The following COMMD10 variants were observed in gnomAD, a reference collection of about 807,000 sequenced individuals.
The protein encoded by COMMD10 is COMM domain containing 10.
Under a neutral mutation model 28.9 loss-of-function variants are expected in COMMD10, and 33 were observed. The ratio of observed to expected loss-of-function variants is 1.14; its 90% CI spans 0.87 to 1.53. The LOEUF (loss-of-function observed/expected upper bound fraction) is 1.53, where lower values mean the gene tolerates loss of function less well. Ranked by LOEUF, COMMD10 falls within the 40% of genes most tolerant of loss-of-function variation. The pLI, the probability that COMMD10 is intolerant of heterozygous loss-of-function variation, is 0.00. For missense variants in COMMD10, 310 were observed against 233.4 expected (o/e 1.33, Z -2.14); for synonymous variants, 110 against 81.7 (o/e 1.35, Z -1.87).
At chr5:116,291,138 T>C (rs1751349086) in intron 5 of COMMD10, among the ~76,000 whole-genome samples, 1 of 152,198 alleles carries the variant, frequency 6.6e-6, no homozygotes, top group South Asian at 2.1e-4. Context: ...CAATCAGATA[T>C]CCTGCCTCCA....
Position 116,243,784 on chromosome 5 carries a change from G to A in COMMD10, c.511-47733G>A, listed in dbSNP as rs1192937005. On this transcript the variant is annotated intron_variant, in intron 5 of 6. Transcript: ENST00000274458. Reference sequence around the variant, plus strand: ...TCAGAACATCTGAGAGGCACTAAAAGCTGGCAAAACCATCTTAAGAGTATG... The same window carrying A: ...TCAGAACATCTGAGAGGCACTAAAAACTGGCAAAACCATCTTAAGAGTATG... 2.6e-5 allele frequency among the ~76,000 whole-genome samples: 4 copies of A among 152,254 alleles called. No homozygotes were observed. The East Asian group carries it at 7.7e-4, about 29-fold the overall frequency.
chr5:116,169,403 G>T (rs542515313), intron 5 of COMMD10, among the ~76,000 whole-genome samples: 2 of 152,232 alleles, frequency 1.3e-5, no homozygotes, highest in Admixed American at 1.3e-4. Context: ...ATTCATAGCT[G>T]AATTCTACCA....
chr5:116,174,613 A>G (rs1052735450), intron 5 of COMMD10, among the ~76,000 whole-genome samples: 1 of 131,394 alleles, frequency 7.6e-6, no homozygotes, highest in East Asian at 2.0e-4. Flanking sequence ...GGAATTCCAA[A>G]ATACTTTGAA....
intron 5 of COMMD10, among the ~76,000 whole-genome samples, chr5:116,285,518 A>G (rs1393862511): frequency 2.6e-5 from 4 of 151,930 alleles, no homozygotes; most frequent in African/African-American, 9.7e-5. Context: ...TGTATTCCCC[A>G]TGGTCTTCTC....
intron 5 of COMMD10, among the ~76,000 whole-genome samples, chr5:116,217,851 A>G (rs1034850246): frequency 2.6e-5 from 4 of 152,134 alleles, no homozygotes; most frequent in Non-Finnish European, 5.9e-5. Flanking sequence ...ACACCCTATT[A>G]GTGACATATG....
At chr5:116,233,588 G>T (rs1749583422) in intron 5 of COMMD10, among the ~76,000 whole-genome samples, 1 of 152,142 alleles carries the variant, frequency 6.6e-6, no homozygotes, top group East Asian at 1.9e-4. Context: ...ATTTCATAAG[G>T]TGGTCAAGGA....
rs1280989167 is a variant in COMMD10, at chr5:116,159,034, T to C, written c.510+24856T>C. On this transcript the variant is annotated intron_variant, in intron 5 of 6. Transcript: ENST00000274458. ...TGTGGCTAATCATTTACATTTGACA[T>C]GAATCTGTCATCTGTGCCTCTAGTC... 3.3e-5 allele frequency among the ~76,000 whole-genome samples: 5 copies of C among 152,202 alleles called. 2 individuals are homozygous for C. The East Asian group carries it at 9.6e-4, about 29-fold the overall frequency.
At chr5:116,192,866 G>A (rs1748405987) in intron 5 of COMMD10, among the ~76,000 whole-genome samples, 2 of 152,280 alleles carry the variant, frequency 1.3e-5, no homozygotes, top group East Asian at 1.9e-4. Flanking sequence ...CTGTCATCAG[G>A]TTATCCAAAG....
In COMMD10 at chr5:116,281,349, A is replaced by G. The variant is rs532862574; in HGVS notation, c.511-10168A>G. ...GGAATTTTGCTAATGGGTATGTGCA[A>G]CATTATCTAGGTACTCATAGATAGG... On this transcript the variant is annotated intron_variant, in intron 5 of 6. Coordinates refer to ENST00000274458, the MANE Select transcript of COMMD10 (RefSeq NM_016144.4). Among the ~76,000 whole-genome samples, 243 of 151,924 alleles carry G rather than the reference A, an allele frequency of 1.6e-3. 13 individuals carry two copies. Among genetic ancestry groups the G allele is most frequent in the African/African-American group, 5.8e-3 (239 of 41,272 alleles).
intron 5 of COMMD10, among the ~76,000 whole-genome samples, chr5:116,270,400 A>C (rs1461832321): frequency 4.0e-5 from 6 of 151,870 alleles, no homozygotes; most frequent in African/African-American, 1.5e-4. Context: ...AAAAGGTAGA[A>C]CTTTACAGTT....
chr5:116,238,092 C>G (rs755655043), intron 5 of COMMD10, among the ~76,000 whole-genome samples: 1 of 152,092 alleles, frequency 6.6e-6, no homozygotes, highest in African/African-American at 2.4e-5. Flanking sequence ...TAGTAATGCC[C>G]TAGAGTTCCA....
chr5:116,136,947 G>A (rs1580478616), intron 5 of COMMD10, among the ~76,000 whole-genome samples: 1 of 151,978 alleles, frequency 6.6e-6, no homozygotes, highest in Admixed American at 6.6e-5. Context: ...TACACATTTT[G>A]TGCCTGTGTC....
chr5:116,131,011 C>A (rs1465954659), intron 4 of COMMD10, among the ~76,000 whole-genome samples: 1 of 151,756 alleles, frequency 6.6e-6, no homozygotes, highest in African/African-American at 2.4e-5. Flanking sequence ...AAGGCTAACT[C>A]ATGGCAATAT....
intron 5 of COMMD10, among the ~76,000 whole-genome samples, chr5:116,157,865 G>C (rs1472523706): frequency 6.6e-6 from 1 of 151,448 alleles, no homozygotes; most frequent in Non-Finnish European, 1.5e-5. Flanking sequence ...TTTAGTTTTA[G>C]CTATTTTGGT....
chr5:116,267,930 C>T (rs1234875745), intron 5 of COMMD10, among the ~76,000 whole-genome samples: 1 of 151,738 alleles, frequency 6.6e-6, no homozygotes, highest in African/African-American at 2.4e-5. Flanking sequence ...CTTCCTTACA[C>T]CTTATACAAA....
chr5:116,258,627 A>C (rs554677701), intron 5 of COMMD10, among the ~76,000 whole-genome samples: 6 of 151,906 alleles, frequency 3.9e-5, no homozygotes, highest in African/African-American at 1.5e-4. Context: ...TGAAAATACT[A>C]TTCTATTGAC....
intron 5 of COMMD10, among the ~76,000 whole-genome samples, chr5:116,274,758 T>G (rs995474596): frequency 1.1e-4 from 16 of 151,794 alleles, no homozygotes; most frequent in Admixed American, 7.2e-4. Context: ...CCTCTAGTTT[T>G]TAACCCACCT....
At chr5:116,292,103 A>T (rs569341861) in intron 6 of COMMD10, among the ~76,000 whole-genome samples, 257 of 151,892 alleles carry the variant, frequency 1.7e-3, no homozygotes, top group African/African-American at 5.8e-3. Context: ...CCACCACTGT[A>T]CCCACTCCCT....
At chr5:116,156,292 G>C (rs1752708150) in intron 5 of COMMD10, among the ~76,000 whole-genome samples, 1 of 152,162 alleles carries the variant, frequency 6.6e-6, no homozygotes, top group Non-Finnish European at 1.5e-5. Context: ...GAAGTTGCTA[G>C]AGGATGTCAA....
Sources: gnomAD v4.1 joint callset for allele counts (sites outside exome capture counted in the v4.1 genomes callset) on GRCh38, gnomAD v4.1.1 for gene constraint, MANE v1.5 for transcripts, NCBI Gene and HGNC (gene_info 2026-07-23, HGNC 2026-07-21) for gene names.